Variants in IFNAR1 observed in about 807,000 individuals in gnomAD.
IFNAR1 encodes the protein interferon alpha/beta receptor 1.
In IFNAR1, 47 loss-of-function variants were observed where a neutral mutation model predicts 62.1. The observed-to-expected ratio is 0.76, with a 90% CI of 0.60 to 0.97. IFNAR1 has a LOEUF of 0.97. Among genes scored for constraint, IFNAR1 ranks in the 50% least tolerant of loss-of-function variants. The pLI is 0.00. For missense variants in IFNAR1, 638 were observed against 654.5 expected, an observed-to-expected ratio of 0.97 and a Z score of 0.27; for synonymous variants, 219 against 226.9, an observed-to-expected ratio of 0.97 and a Z score of 0.31.
rs777878602 is a variant in IFNAR1 at position 33,325,036 on chromosome 21, G to C, written c.-20G>C. On this transcript the variant is annotated 5_prime_UTR_variant, in exon 1 of 11. Transcript: ENST00000270139. Reference sequence around the variant, plus strand: ...CGCGTGCGCGAACATGTAACTGGTGGGATCTGCGGCGGCTCCCAGATGATG... The same window carrying C: ...CGCGTGCGCGAACATGTAACTGGTGCGATCTGCGGCGGCTCCCAGATGATG... 14 of 1,580,526 alleles carry C rather than the reference G, an allele frequency of 8.9e-6. No individual in the cohort carries two copies. In the East Asian group the frequency reaches 3.0e-4, roughly 34 times the overall value.
At chr21:33,324,649 C>T (rs2083105427), upstream of IFNAR1, 1 of 184,258 alleles carries the variant, frequency 5.4e-6, no homozygotes, top group African/African-American at 2.3e-5. Flanking sequence ...GTGTGTGCCG[C>T]GATCCTGTGA....
At chr21:33,350,747 C>G (rs2083390391) in intron 8 of IFNAR1, among the ~76,000 whole-genome samples, 2 of 152,188 alleles carry the variant, frequency 1.3e-5, no homozygotes, top group Admixed American at 6.5e-5. Context: ...TGGCTGCTTC[C>G]CTTTTTAATT....
At chr21:33,337,332 A>T (rs953144535) in intron 2 of IFNAR1, among the ~76,000 whole-genome samples, 1 of 152,138 alleles carries the variant, frequency 6.6e-6, no homozygotes, top group Admixed American at 6.6e-5. Flanking sequence ...CTTTCTACTT[A>T]ATTATTCAAG....
At chr21:33,352,708 G>A (rs1172473779) in intron 8 of IFNAR1, 50 bp from the exon 9 acceptor site, 1 of 1,056,112 alleles carries the variant, frequency 9.5e-7, no homozygotes, top group South Asian at 1.6e-5. Context: ...CATATTCCCT[G>A]ATTTCTTGAG....
chr21:33,345,324 C>A lies in IFNAR1; in HGVS notation c.752C>A (p.Thr251Lys). The part of the protein sequence containing the change: ...NQNYVLKWDY[T>K]YANMTFQVQW... ...AACTATGTTCTTAAATGGGATTATA[C>A]ATATGCAAACATGACCTTTCAAGTT... Residue 251 changes from threonine to lysine, a missense_variant, in exon 6 of 11, where the codon ACA becomes AAA. Transcript: ENST00000270139. 1 of 1,598,928 alleles carries A rather than the reference C, an allele frequency of 6.3e-7. No individual in the cohort carries two copies. The highest frequency in any genetic ancestry group is 8.6e-7 in the Non-Finnish European group (1 of 1,166,780).
chr21:33,334,922 A>T, intron 1 of IFNAR1: 1 of 1,566,344 alleles, frequency 6.4e-7, no homozygotes, highest in South Asian at 1.1e-5. Context: ...GCAGTGGGAG[A>T]TGGGGCAGGG....
rs538168073 is a variant in IFNAR1, at chr21:33,354,253, G to C, written c.1440+470G>C. Among the ~76,000 whole-genome samples the C allele has an allele frequency of 2.6e-5, 4 of 152,276 alleles. No individual in the cohort carries two copies. In the South Asian group the frequency reaches 8.3e-4, roughly 32 times the overall value. Reference sequence around the variant, plus strand: ...GCTACTCGGGAGGCTGAGGCAGGGGGATCGCTTGAACCTGGGAGGTGGAGG... The same window carrying C: ...GCTACTCGGGAGGCTGAGGCAGGGGCATCGCTTGAACCTGGGAGGTGGAGG... On this transcript the variant is annotated intron_variant, in intron 10 of 10. Transcript: ENST00000270139.
chr21:33,358,856 T>TAA lies in IFNAR1; in HGVS notation c.*3310_*3311dup, dbSNP rs34394035. 61 of 151,982 alleles carry TAA rather than the reference T, an allele frequency of 4.0e-4. No homozygotes were observed. Among genetic ancestry groups the TAA allele is most frequent in the African/African-American group, 1.4e-3 (59 of 41,434 alleles). The allele number at this position is 151,982 out of a possible 1,614,324, so 9.4% of individuals were successfully genotyped here. Reference sequence around the variant, plus strand: ...CCATCTCTATTTATATATATATATATAAAACTTAGAGTTTTTATCTTCCCC... The same window carrying TAA: ...CCATCTCTATTTATATATATATATATAAAAAACTTAGAGTTTTTATCTTCCCC... On this transcript the variant is annotated 3_prime_UTR_variant, in exon 11 of 11. Transcript: ENST00000270139.
At chr21:33,327,906 A>G (rs2083141478) in intron 1 of IFNAR1, among the ~76,000 whole-genome samples, 1 of 152,084 alleles carries the variant, frequency 6.6e-6, no homozygotes, top group African/African-American at 2.4e-5. Context: ...AGATTTAAAG[A>G]TTTTCTGATT....
chr21:33,353,579 G>A, intron 9 of IFNAR1, 59 bp from the exon 10 acceptor site: 1 of 918,030 alleles, frequency 1.1e-6, no homozygotes, highest in Non-Finnish European at 1.7e-6. Flanking sequence ...ACAGCTGTCA[G>A]CACTGTTAAG....
At position 33,343,659 on chromosome 21, in the gene IFNAR1, A is replaced by G. The variant is rs763114780; in HGVS notation, c.656A>G (p.His219Arg). 9.4e-6 allele frequency: 15 copies of G among 1,597,034 alleles called. No individual in the cohort carries two copies. In the East Asian group the frequency reaches 2.2e-4, roughly 24 times the overall value. ...AAAATTGGTGTCTATAGTCCAGTAC[A>G]TTGTATAAAGACCACAGGTAAGGAA... ...SWKIGVYSPV[H>R]CIKTTVENEL... Residue 219 changes from histidine to arginine, a missense_variant, in exon 5 of 11, where the codon CAT (histidine) becomes CGT (arginine). Coordinates refer to ENST00000270139, the MANE Select transcript of IFNAR1 (RefSeq NM_000629.3).
intron 1 of IFNAR1, among the ~76,000 whole-genome samples, chr21:33,328,261 A>G (rs1447820956): frequency 6.6e-6 from 1 of 152,214 alleles, no homozygotes; most frequent in Non-Finnish European, 1.5e-5. Flanking sequence ...TGCAGATAGC[A>G]GGCTTCAGAG....
chr21:33,324,920 G>C, upstream of IFNAR1: 2 of 658,314 alleles, frequency 3.0e-6, no homozygotes, highest in African/African-American at 2.0e-5. Flanking sequence ...GGCGGCGCGT[G>C]CGTAGAGGGG....
rs534241720 is a variant in IFNAR1 at position 33,346,176 on chromosome 21, GAGAAA to G, written c.788+820_788+824del. 2.6e-4 allele frequency among the ~76,000 whole-genome samples: 39 copies of G among 152,228 alleles called. No individual in the cohort carries two copies. In the South Asian group the frequency reaches 7.0e-3, roughly 28 times the overall value. On this transcript the variant is annotated intron_variant, in intron 6 of 10. Transcript: ENST00000270139. ...ATTGGAAAATTGTAGGAGATGAATA[GAGAAA>G]AGAGAAGAGGAAAATTAAGTAGAAG...
At chr21:33,334,948 A>G (rs1196741902) in intron 1 of IFNAR1, 26 of 1,579,904 alleles carry the variant, frequency 1.6e-5, no homozygotes, top group Non-Finnish European at 2.3e-5. Flanking sequence ...CACATCAGGG[A>G]GTACAGCTGC....
rs769695335 is a variant in IFNAR1, at chr21:33,335,652, G to A, written c.200+5G>A. 2.0e-6 allele frequency: 3 copies of A among 1,535,314 alleles called. No homozygotes were observed. The highest frequency in any genetic ancestry group is 1.8e-6 in the Non-Finnish European group (2 of 1,139,646). On this transcript the variant is annotated splice_donor_5th_base_variant and intron_variant, in intron 2 of 10. Transcript: ENST00000270139. ...TTTTTCATTCGATTATCAAAAGTAT[G>A]TGACTCTACTTACTGATTTGTCAGA...
chr21:33,328,878 A>C (rs2083151775), intron 1 of IFNAR1, among the ~76,000 whole-genome samples: 1 of 152,106 alleles, frequency 6.6e-6, no homozygotes, highest in Admixed American at 6.5e-5. Context: ...GGGGTAATTA[A>C]TTGTTAATAT....
In IFNAR1 at chr21:33,355,313, T is replaced by G. The variant is rs1288971171; in HGVS notation, c.1441-3T>G. 3 of 1,382,880 alleles carry G rather than the reference T, an allele frequency of 2.2e-6. No individual in the cohort carries two copies. The highest frequency in any genetic ancestry group is 3.0e-6 in the Non-Finnish European group (3 of 1,008,642). The allele number at this position is 1,382,880 out of a possible 1,614,324, so 85.7% of individuals were successfully genotyped here. A position where few individuals can be genotyped will look rare whatever the true frequency, so the allele number is the denominator to read the frequency against. ...TTCTACTCTTTCCCTTTTTTTAAATTAGTATTTCTCTGAACAGCCATTGAA... is the reference window on the plus strand; with the variant it reads ...TTCTACTCTTTCCCTTTTTTTAAATGAGTATTTCTCTGAACAGCCATTGAA... On this transcript the variant is annotated splice_polypyrimidine_tract_variant and splice_region_variant and intron_variant, in intron 10 of 10. Coordinates refer to ENST00000270139, the MANE Select transcript of IFNAR1 (RefSeq NM_000629.3).
Position 33,357,113 on chromosome 21 carries a change from T to G in IFNAR1, c.*1564T>G, listed in dbSNP as rs2083455488. The G allele has an allele frequency of 6.6e-6, 1 of 152,228 alleles. No individual in the cohort carries two copies. The allele number at this position is 152,228 out of a possible 1,614,324, so 9.4% of individuals were successfully genotyped here. On this transcript the variant is annotated 3_prime_UTR_variant, in exon 11 of 11. Coordinates refer to ENST00000270139, the MANE Select transcript of IFNAR1 (RefSeq NM_000629.3). ...ACTGGGGATTACCCATGGATATCCT[T>G]AATAGGCAGGAAGTCTGGGAATTCT...
Sources: gnomAD v4.1 joint callset for allele counts (sites outside exome capture counted in the v4.1 genomes callset) on GRCh38, gnomAD v4.1.1 for gene constraint, MANE v1.5 for transcripts, NCBI Gene and HGNC (gene_info 2026-07-23, HGNC 2026-07-21) for gene names.